Variants in LRRC66 observed in about 807,000 individuals in gnomAD.
LRRC66 encodes leucine-rich repeat-containing protein 66.
Under a neutral mutation model 24.6 loss-of-function variants are expected in LRRC66, and 29 were observed. The ratio of observed to expected loss-of-function variants is 1.18; its 90% CI spans 0.88 to 1.61. The LOEUF (loss-of-function observed/expected upper bound fraction) is 1.61. Among genes scored for constraint, LRRC66 ranks in the 40% most tolerant of loss-of-function variants. The pLI, the probability that LRRC66 is intolerant of heterozygous loss-of-function variation, is 0.00. For synonymous variants in LRRC66, 411 were observed against 397.6 expected, an observed-to-expected ratio of 1.03 and a Z score of -0.40; for missense variants, 1,124 against 1,058.0, an observed-to-expected ratio of 1.06 and a Z score of -0.87.
intron 2 of LRRC66, among the ~76,000 whole-genome samples, chr4:52,012,063 T>C (rs1736717506): frequency 6.6e-6 from 1 of 152,070 alleles, no homozygotes; most frequent in South Asian, 2.1e-4. Context: ...GGCAGGCACC[T>C]GTAATCCCAG....
chr4:51,996,068 CCTT>C lies in LRRC66; in HGVS notation c.951_953del (p.Ile317_Arg318delinsMet), dbSNP rs1736308150. 2 of 1,614,080 alleles carry C rather than the reference CCTT, an allele frequency of 1.2e-6. No homozygotes were observed. Among genetic ancestry groups the C allele is most frequent in the Non-Finnish European group, 1.7e-6 (2 of 1,180,024 alleles). ...CTCCCTGGGGCCTCTCTGCTTTGCT[CCTT>C]ATGAGGCTTTTCATGCGATGCAGAT... On this transcript the variant is annotated inframe_deletion, in exon 5 of 5. Transcript: ENST00000682860.
In LRRC66 at chr4:52,003,222, C is replaced by G; in HGVS notation, c.666+1G>C. The stretch of plus-strand genomic sequence containing the variant: ...AAATATTATAAAAATGATTTTAGAA[C>G]CTGTAATTTTTTGAGGTCCTTGAAG... On this transcript the variant is annotated splice_donor_variant, in intron 3 of 4. Coordinates refer to ENST00000682860, the MANE Select transcript of LRRC66 (RefSeq NM_001024611.3). LOFTEE classifies it high-confidence loss of function. 1 of 1,602,856 alleles carries G rather than the reference C, an allele frequency of 6.2e-7. No homozygotes were observed. The highest frequency in any genetic ancestry group is 8.5e-7 in the Non-Finnish European group (1 of 1,174,798).
At position 51,995,820 on chromosome 4, in the gene LRRC66, A is replaced by G. The variant is rs771852172; in HGVS notation, c.1202T>C (p.Val401Ala). The change falls in exon 5 of 5, where the codon GTT (valine) becomes GCT (alanine). Residue 401 changes from valine (V) to alanine (A), a missense_variant. By Grantham distance (64) the Val-to-Ala change is moderately conservative. Coordinates refer to ENST00000682860, the MANE Select transcript of LRRC66 (RefSeq NM_001024611.3). ...GCACTTTTTTTGCCACAGTCTGTCA[A>G]CATAAGGCCTTGTGAAAGCCCCCAG... ...FSLGAFTRPY[V>A]DRLWQKKCQS... 1 of 1,614,160 alleles carries G rather than the reference A, an allele frequency of 6.2e-7. No individual in the cohort carries two copies. Among genetic ancestry groups the G allele is most frequent in the South Asian group, 1.1e-5 (1 of 91,088 alleles).
chr4:52,017,208 C>T lies in LRRC66; in HGVS notation c.406G>A (p.Val136Met). ...CTGAAGCTGCTTCTGTGGCGTTTCA[C>T]CCATGAGGACTTAGGACTGAGTAGA... is the stretch of plus-strand genomic sequence containing the variant. ...LDLLSPKSSWVKRHRSSFRNR... is the reference protein window; with the variant it reads ...LDLLSPKSSWMKRHRSSFRNR... Residue 136 changes from valine to methionine, a missense_variant, in exon 2 of 5, where the codon GTG (valine) becomes ATG (methionine). By Grantham distance (21) the Val-to-Met change is conservative. Transcript: ENST00000682860. The T allele has an allele frequency of 6.2e-7, 1 of 1,614,136 alleles. No individual in the cohort carries two copies. Among genetic ancestry groups the T allele is most frequent in the Admixed American group, 1.7e-5 (1 of 60,014 alleles).
rs765588687 is a variant in LRRC66, at chr4:51,995,405, A to G, written c.1617T>C (p.Tyr539=). The part of the protein sequence containing the change: ...HRNDILGEWT[Y]ETVAQEEPLS... The stretch of plus-strand genomic sequence containing the variant: ...GAGGCTCTTCCTGGGCCACAGTTTC[A>G]TAAGTCCATTCTCCGAGAATATCAT... Residue 539 remains tyrosine (Y), a synonymous_variant, in exon 5 of 5, where the codon TAT becomes TAC. Coordinates refer to ENST00000682860, the MANE Select transcript of LRRC66 (RefSeq NM_001024611.3). 17 of 1,614,098 alleles carry G rather than the reference A, an allele frequency of 1.1e-5. No individual in the cohort carries two copies. The highest frequency in any genetic ancestry group is 5.5e-5 in the South Asian group (5 of 91,086).
rs77963070 is a variant in LRRC66 at position 52,017,397 on chromosome 4, T to C, written c.217A>G (p.Arg73Gly). 2.9e-4 allele frequency: 472 copies of C among 1,614,186 alleles called. No individual in the cohort carries two copies. The African/African-American group carries it at 5.8e-3, about 20-fold the overall frequency. Residue 73 changes from arginine to glycine, a missense_variant, in exon 2 of 5, where the codon AGA becomes GGA. Physicochemically the swap from Arg to Gly is moderately radical, Grantham distance 125. Transcript: ENST00000682860. The stretch of plus-strand genomic sequence containing the variant: ...TTCGTGTGAGACTGTAAGAGAACTC[T>C]AAAGAAATTGAAACTTACATCCACA... ...ATVDVSFNFF[R>G]VLLQSHTKKE...
intron 2 of LRRC66, among the ~76,000 whole-genome samples, chr4:52,005,598 A>C (rs1038944788): frequency 8.8e-5 from 1 of 11,418 alleles, no homozygotes; most frequent in African/African-American, 6.3e-4. Context: ...AAACAAACAA[A>C]CAACAAAAAA....
chr4:52,010,640 T>C (rs1305810164), intron 2 of LRRC66, among the ~76,000 whole-genome samples: 3 of 152,196 alleles, frequency 2.0e-5, no homozygotes, highest in Non-Finnish European at 4.4e-5. Flanking sequence ...ATGATTTCAT[T>C]CTTGTTTAGA....
chr4:51,999,874 G>C (rs929167737), intron 3 of LRRC66, among the ~76,000 whole-genome samples: 3 of 152,130 alleles, frequency 2.0e-5, no homozygotes, highest in Admixed American at 2.0e-4. Context: ...AAGAAGAATG[G>C]GATAAGATTA....
At chr4:52,007,377 A>G (rs1453182193) in intron 2 of LRRC66, among the ~76,000 whole-genome samples, 1 of 151,864 alleles carries the variant, frequency 6.6e-6, no homozygotes, top group Non-Finnish European at 1.5e-5. Flanking sequence ...GTAGAGATAG[A>G]ATCTCACCAT....
chr4:52,007,787 A>C (rs1736620276), intron 2 of LRRC66, among the ~76,000 whole-genome samples: 1 of 152,198 alleles, frequency 6.6e-6, no homozygotes, highest in South Asian at 2.1e-4. Flanking sequence ...AAGCATGCTT[A>C]TGTGGCAGGG....
intron 2 of LRRC66, among the ~76,000 whole-genome samples, chr4:52,008,780 C>T (rs1736639928): frequency 6.6e-6 from 1 of 151,870 alleles, no homozygotes; most frequent in African/African-American, 2.4e-5. Flanking sequence ...TCAAGGAAGT[C>T]CTTTAGAGGA....
Position 51,994,537 on chromosome 4 carries a change from CTG to C in LRRC66, c.2483_2484del (p.Thr828SerfsTer14). ...CATTCTGCTGCCTTGGATTGAAGAG[CTG>C]TGTCATAATCATAAGTGAACATGCC... is the stretch of plus-strand genomic sequence containing the variant. ...FPGMFTYDYD[T>X]ALQSKAAEWH... On this transcript the variant is annotated frameshift_variant, in exon 5 of 5. Transcript: ENST00000682860. LOFTEE classifies it low-confidence loss of function (END_TRUNC). The C allele has an allele frequency of 1.2e-6, 2 of 1,614,204 alleles. No individual in the cohort carries two copies. The highest frequency in any genetic ancestry group is 1.7e-6 in the Non-Finnish European group (2 of 1,180,034).
chr4:52,013,068 T>C lies in LRRC66; in HGVS notation c.496+4050A>G, dbSNP rs551052174. Among the ~76,000 whole-genome samples, 51 of 152,324 alleles carry C rather than the reference T, an allele frequency of 3.3e-4. No individual in the cohort carries two copies. The South Asian group carries it at 0.01, about 31-fold the overall frequency. ...ATTCGATTCATTAGGTCAGATCTTA[T>C]TGTGGTCAAATTATGTAGGTTAGCC... On this transcript the variant is annotated intron_variant, in intron 2 of 4. Coordinates refer to ENST00000682860, the MANE Select transcript of LRRC66 (RefSeq NM_001024611.3).
At position 51,996,054 on chromosome 4, in the gene LRRC66, C is replaced by T; in HGVS notation, c.968G>A (p.Arg323Lys). 1 of 1,614,082 alleles carries T rather than the reference C, an allele frequency of 6.2e-7. No individual in the cohort carries two copies. The highest frequency in any genetic ancestry group is 1.1e-5 in the South Asian group (1 of 91,070). ...MKSLIRSKAERPQGGRHTGIS... is the reference protein window; with the variant it reads ...MKSLIRSKAEKPQGGRHTGIS... ...GCCCGTGTGCCTTCCTCCCTGGGGCCTCTCTGCTTTGCTCCTTATGAGGCT... is the reference window on the plus strand; with the variant it reads ...GCCCGTGTGCCTTCCTCCCTGGGGCTTCTCTGCTTTGCTCCTTATGAGGCT... Residue 323 changes from arginine to lysine, a missense_variant, in exon 5 of 5, where the codon AGG becomes AAG. Transcript: ENST00000682860.
At chr4:52,014,115 G>C (rs1578118497) in intron 2 of LRRC66, among the ~76,000 whole-genome samples, 2 of 152,276 alleles carry the variant, frequency 1.3e-5, no homozygotes, top group African/African-American at 4.8e-5. Context: ...TAGCCGGGCT[G>C]GTGGCACATG....
intron 3 of LRRC66, among the ~76,000 whole-genome samples, chr4:52,000,728 A>G (rs935812785): frequency 6.6e-6 from 1 of 152,198 alleles, no homozygotes; most frequent in Non-Finnish European, 1.5e-5. Flanking sequence ...AGCAGCCCAC[A>G]AGGAACTGAA....
intron 3 of LRRC66, among the ~76,000 whole-genome samples, chr4:52,002,774 C>T (rs2110196030): frequency 6.6e-6 from 1 of 152,232 alleles, no homozygotes; most frequent in South Asian, 2.1e-4. Flanking sequence ...TTTCAGAGGC[C>T]CATCTAGTCC....
chr4:51,997,695 T>C (rs1736354410), intron 4 of LRRC66, 53 bp downstream of exon 4: 2 of 1,490,754 alleles, frequency 1.3e-6, no homozygotes, highest in South Asian at 2.4e-5. Context: ...AAAATGTCTA[T>C]GTGCATTTTT....
Sources: allele counts gnomAD v4.1 joint callset (sites outside exome capture counted in the v4.1 genomes callset), GRCh38; gene constraint gnomAD v4.1.1; transcripts MANE v1.5; gene names NCBI Gene and HGNC (gene_info 2026-07-23, HGNC 2026-07-21).